Variants in PPARGC1A observed in about 807,000 individuals in gnomAD.
PPARGC1A encodes the protein PPARG coactivator 1 alpha.
PPARGC1A carries 25 observed loss-of-function variants against 88.7 expected under a neutral mutation model. That is an observed-to-expected ratio of 0.28 (90% CI 0.21 to 0.39). The LOEUF is 0.39. PPARGC1A is among the 10% of genes least tolerant of loss of function. The probability of loss-of-function intolerance (pLI) is 1.00; values close to 1 mark genes in which losing one functional copy is unlikely to be tolerated. For synonymous variants in PPARGC1A, 363 were observed against 355.6 expected (o/e 1.02, Z -0.24); for missense variants, 880 against 968.7 (o/e 0.91, Z 1.22).
At chr4:24,254,095 A>G in the PPARGC1A span, among the ~76,000 whole-genome samples, 34 of 152,192 alleles carry the variant, frequency 2.2e-4, no homozygotes, top group Non-Finnish European at 4.0e-4. Context: ...GTTCTTACTC[A>G]AAGATTTGTC....
chr4:23,889,461 G>A, intron 1 of PPARGC1A: 1 of 754,498 alleles, frequency 1.3e-6, no homozygotes, highest in Non-Finnish European at 1.6e-6. Flanking sequence ...GGAAAAATCC[G>A]GACTAGAGTC....
chr4:24,366,720 G>T, the PPARGC1A span, among the ~76,000 whole-genome samples: 1 of 152,066 alleles, frequency 6.6e-6, no homozygotes, highest in African/African-American at 2.4e-5. Context: ...AAATTCTGAG[G>T]CTATTTTCCG....
chr4:24,364,563 GC>G, the PPARGC1A span, among the ~76,000 whole-genome samples: 2 of 152,042 alleles, frequency 1.3e-5, no homozygotes, highest in African/African-American at 2.4e-5. Context: ...TAATAGCCAA[GC>G]CTTTTTTCTA....
the PPARGC1A span, among the ~76,000 whole-genome samples, chr4:24,018,657 T>C: frequency 1.3e-5 from 2 of 152,230 alleles, no homozygotes; most frequent in African/African-American, 4.8e-5. Flanking sequence ...CATTTTCAAA[T>C]GTTCCTGATC....
At chr4:24,347,985 T>G in the PPARGC1A span, among the ~76,000 whole-genome samples, 1 of 152,206 alleles carries the variant, frequency 6.6e-6, no homozygotes, top group Admixed American at 6.5e-5. Context: ...CAGCTCCTTT[T>G]AGTAGTTTGC....
intron 2 of PPARGC1A, among the ~76,000 whole-genome samples, chr4:23,852,821 T>C (rs1451716153): frequency 1.3e-5 from 2 of 152,142 alleles, no homozygotes; most frequent in African/African-American, 4.8e-5. Context: ...TTTAGGGAAA[T>C]AGATATGTAC....
the PPARGC1A span, among the ~76,000 whole-genome samples, chr4:24,281,461 C>T: frequency 6.6e-5 from 10 of 151,988 alleles, no homozygotes; most frequent in Non-Finnish European, 1.2e-4. Flanking sequence ...CTCTTTGTGA[C>T]GACCAGTTCT....
At chr4:23,974,291 C>A in the PPARGC1A span, among the ~76,000 whole-genome samples, 6 of 152,192 alleles carry the variant, frequency 3.9e-5, no homozygotes, top group East Asian at 1.2e-3. Context: ...GCTATGGATC[C>A]AAAATAATAC....
the PPARGC1A span, among the ~76,000 whole-genome samples, chr4:23,960,308 T>G: frequency 6.6e-6 from 1 of 152,084 alleles, no homozygotes; most frequent in Non-Finnish European, 1.5e-5. Context: ...TGACTGGCAT[T>G]GAGTAGGTGG....
the PPARGC1A span, among the ~76,000 whole-genome samples, chr4:23,968,773 G>A: frequency 6.6e-6 from 1 of 151,956 alleles, no homozygotes; most frequent in Non-Finnish European, 1.5e-5. Context: ...AAATTAGCTG[G>A]GTGTGGTGGT....
the PPARGC1A span, among the ~76,000 whole-genome samples, chr4:23,926,066 C>T: frequency 2.0e-5 from 3 of 152,128 alleles, no homozygotes; most frequent in African/African-American, 7.2e-5. Flanking sequence ...GTGTTTCATC[C>T]TTTGACTGCT....
the PPARGC1A span, among the ~76,000 whole-genome samples, chr4:24,076,519 A>T: frequency 6.6e-6 from 1 of 152,200 alleles, no homozygotes; most frequent in Non-Finnish European, 1.5e-5. Context: ...GAGTCATTCA[A>T]CATGGAGATG....
chr4:23,932,994 C>A, the PPARGC1A span, among the ~76,000 whole-genome samples: 2 of 152,092 alleles, frequency 1.3e-5, no homozygotes, highest in Non-Finnish European at 1.5e-5. Flanking sequence ...GTTTTCCCGA[C>A]AAGTGGTGAC....
chr4:24,200,962 C>T, the PPARGC1A span, among the ~76,000 whole-genome samples: 1 of 152,134 alleles, frequency 6.6e-6, no homozygotes, highest in African/African-American at 2.4e-5. Flanking sequence ...GATTTATTCA[C>T]TCAGCAAACA....
the PPARGC1A span, among the ~76,000 whole-genome samples, chr4:24,173,736 G>C: frequency 6.6e-6 from 1 of 152,200 alleles, no homozygotes; most frequent in Non-Finnish European, 1.5e-5. Context: ...TCTTGAGCAA[G>C]TTACATAACC....
intron 1 of PPARGC1A, among the ~76,000 whole-genome samples, chr4:23,889,671 C>T (rs1210088656): frequency 1.3e-5 from 2 of 152,116 alleles, no homozygotes; most frequent in Non-Finnish European, 2.9e-5. Context: ...TTTCTAACTG[C>T]AACAGATACT....
the PPARGC1A span, among the ~76,000 whole-genome samples, chr4:24,124,159 CTAACCCA>C: frequency 6.6e-6 from 1 of 152,086 alleles, no homozygotes; most frequent in Non-Finnish European, 1.5e-5. Context: ...TCTTGCAATG[CTAACCCA>C]TAACCCCATA....
In PPARGC1A at chr4:23,795,679, T is replaced by C; in HGVS notation, c.*143A>G. The stretch of plus-strand genomic sequence containing the variant: ...TATTGTTGTTGTTGTTCTTGTTGTA[T>C]TGTTGTTGTTTTGTTTTGTTTTTGT... On this transcript the variant is annotated 3_prime_UTR_variant, in exon 13 of 13. Coordinates refer to ENST00000264867, the MANE Select transcript of PPARGC1A (RefSeq NM_013261.5). The C allele has an allele frequency of 5.1e-6, 3 of 585,014 alleles. No individual in the cohort carries two copies. The South Asian group carries it at 6.7e-5, about 13-fold the overall frequency. 36.2% of individuals were successfully genotyped at this position (585,014 alleles called of 1,614,324 possible). A position where few individuals can be genotyped will look rare whatever the true frequency, so the allele number is the denominator to read the frequency against.
the PPARGC1A span, among the ~76,000 whole-genome samples, chr4:23,972,649 A>G: frequency 6.6e-6 from 1 of 152,168 alleles, no homozygotes; most frequent in Non-Finnish European, 1.5e-5. Flanking sequence ...GTCTCATACT[A>G]TGTTTCTCTT....
Sources: allele counts gnomAD v4.1 joint callset (sites outside exome capture counted in the v4.1 genomes callset), GRCh38; gene constraint gnomAD v4.1.1; transcripts MANE v1.5; gene names NCBI Gene and HGNC (gene_info 2026-07-23, HGNC 2026-07-21).